PCAT7: variants seen among roughly 807,000 people sequenced by gnomAD.
PCAT7 encodes prostate cancer associated transcript 7, also known as prostate cancer associated transcript 7 (non-protein coding).
intron 2 of PCAT7, among the ~76,000 whole-genome samples, chr9:94,561,350 G>A (rs1827096830): frequency 1.7e-5 from 1 of 59,796 alleles, no homozygotes; most frequent in South Asian, 4.5e-4. Context: ...CATGTGACCT[G>A]TATTTTTTTT....
At chr9:94,566,395 G>A (rs749280100) in intron 2 of PCAT7, among the ~76,000 whole-genome samples, 4 of 152,258 alleles carry the variant, frequency 2.6e-5, no homozygotes, top group Non-Finnish European at 5.9e-5. Flanking sequence ...ACAATAGCAC[G>A]AGTGATCTGT....
chr9:94,571,312 T>C, intron 2 of PCAT7: 1 of 714,612 alleles, frequency 1.4e-6, no homozygotes. Context: ...TTTCTGATGA[T>C]GGTTTTGGCT....
At chr9:94,557,156 G>A (rs968235350) in intron 1 of PCAT7, among the ~76,000 whole-genome samples, 3 of 152,140 alleles carry the variant, frequency 2.0e-5, no homozygotes, top group Admixed American at 6.5e-5. Flanking sequence ...TTGAAATCAG[G>A]TAGTGTGATG....
rs147845268 is a variant in PCAT7, at chr9:94,559,092, A to G, written n.381A>G. On this transcript the variant is annotated non_coding_transcript_exon_variant, in exon 2 of 9. Coordinates refer to ENST00000647389, the Ensembl canonical transcript of PCAT7. ...GGTCGCCAAGCCTCCTGCCTGCTCAATGATGTAGGCCACGGGATTGCATTC... is the reference window on the plus strand; with the variant it reads ...GGTCGCCAAGCCTCCTGCCTGCTCAGTGATGTAGGCCACGGGATTGCATTC... 4.9e-5 allele frequency: 79 copies of G among 1,613,818 alleles called. No homozygotes were observed. In the African/African-American group the frequency reaches 9.1e-4, roughly 19 times the overall value.
intron 2 of PCAT7, chr9:94,571,525 G>T: frequency 6.2e-7 from 1 of 1,613,974 alleles, no homozygotes; most frequent in Non-Finnish European, 8.5e-7. Flanking sequence ...TTGCACTACC[G>T]TACAGCGCAT....
At chr9:94,573,202 G>GATA (rs1827286355) in intron 3 of PCAT7, among the ~76,000 whole-genome samples, 1 of 152,154 alleles carries the variant, frequency 6.6e-6, no homozygotes, top group Non-Finnish European at 1.5e-5. Context: ...TGTAATGCTA[G>GATA]CTGTAGATGT....
chr9:94,558,915 GA>G (rs1343198174), intron 1 of PCAT7: 14 of 1,611,228 alleles, frequency 8.7e-6, no homozygotes, highest in African/African-American at 1.3e-5. Flanking sequence ...ACAAACAGAA[GA>G]GGGCATGTGG....
At chr9:94,558,357 C>T (rs934748301) in intron 1 of PCAT7, among the ~76,000 whole-genome samples, 11 of 152,252 alleles carry the variant, frequency 7.2e-5, no homozygotes, top group East Asian at 1.9e-4. Context: ...TGCAATGGCG[C>T]GATCTCGGCT....
chr9:94,565,792 TA>T (rs933577545), intron 2 of PCAT7, among the ~76,000 whole-genome samples: 5 of 126,172 alleles, frequency 4.0e-5, no homozygotes, highest in East Asian at 2.7e-4. Flanking sequence ...AGATAGATGA[TA>T]GATAGGTGAG....
chr9:94,555,931 A>C (rs1317965261), intron 1 of PCAT7, among the ~76,000 whole-genome samples: 1 of 144,012 alleles, frequency 6.9e-6, no homozygotes, highest in African/African-American at 2.6e-5. Context: ...CAAGCAGTAT[A>C]GGGGAGAGAA....
intron 1 of PCAT7, among the ~76,000 whole-genome samples, chr9:94,558,451 C>T (rs572983060): frequency 3.3e-5 from 5 of 152,208 alleles, no homozygotes; most frequent in East Asian, 1.9e-4. Flanking sequence ...CCCGCCACCA[C>T]GCCCGGCTAA....
At chr9:94,567,185 C>G in intron 2 of PCAT7, 1 of 1,423,086 alleles carries the variant, frequency 7.0e-7, no homozygotes, top group Non-Finnish European at 9.8e-7. Flanking sequence ...CAACCTCTTT[C>G]AGCAAAGCCC....
At chr9:94,563,245 C>G (rs1057170586) in intron 2 of PCAT7, 6 of 1,369,028 alleles carry the variant, frequency 4.4e-6, no homozygotes, top group Non-Finnish European at 6.0e-6. Flanking sequence ...CACAGACATG[C>G]CATGAAGCAG....
intron 2 of PCAT7, chr9:94,567,487 G>A (rs1243976077): frequency 3.9e-6 from 6 of 1,534,578 alleles, no homozygotes; most frequent in Non-Finnish European, 5.3e-6. Flanking sequence ...CATCAGAGCA[G>A]GAGAAGATGG....
chr9:94,567,449 A>C, intron 2 of PCAT7: 1 of 1,571,552 alleles, frequency 6.4e-7, no homozygotes, highest in Non-Finnish European at 8.6e-7. Flanking sequence ...GAGAGAAGCC[A>C]GGAAACAAGC....
intron 2 of PCAT7, among the ~76,000 whole-genome samples, chr9:94,565,385 A>AAAGAG (rs773350863): frequency 1.5e-5 from 2 of 134,914 alleles, no homozygotes; most frequent in Admixed American, 1.6e-4. Flanking sequence ...AAAAAAAAAA[A>AAAGAG]AGATGTTCCC....
chr9:94,567,219 C>T, intron 2 of PCAT7: 1 of 1,605,574 alleles, frequency 6.2e-7, no homozygotes, highest in South Asian at 1.1e-5. Context: ...CCAAACAGGA[C>T]CCCATGGGGA....
intron 2 of PCAT7, chr9:94,568,411 T>C (rs609901): frequency 6.6e-6 from 1 of 151,896 alleles, no homozygotes; most frequent in Non-Finnish European, 1.5e-5. Context: ...TCTGGTGATA[T>C]CAGTCACTAA....
chr9:94,562,788 C>T (rs1405682590), intron 2 of PCAT7, among the ~76,000 whole-genome samples: 2 of 152,144 alleles, frequency 1.3e-5, no homozygotes, highest in African/African-American at 4.8e-5. Flanking sequence ...CATTAAGTTG[C>T]AATTAGACCT....
Sources: allele counts gnomAD v4.1 joint callset (sites outside exome capture counted in the v4.1 genomes callset), GRCh38; gene constraint gnomAD v4.1.1; transcripts MANE v1.5; gene names NCBI Gene and HGNC (gene_info 2026-07-23, HGNC 2026-07-21).